The following RAB27B variants were observed in gnomAD, a reference collection of about 807,000 sequenced individuals.
The protein encoded by RAB27B is ras-related protein Rab-27B.
A neutral mutation model predicts 24.6 loss-of-function variants in RAB27B; 15 were observed. The ratio of observed to expected loss-of-function variants is 0.61; its 90% confidence interval spans 0.41 to 0.94. The LOEUF is 0.94. Among genes scored for constraint, RAB27B ranks in the 40% least tolerant of loss-of-function variants. RAB27B has a pLI of 0.00. For missense variants in RAB27B, 261 were observed against 266.8 expected (o/e 0.98, Z 0.15); for synonymous variants, 105 against 92.5 (o/e 1.14, Z -0.78).
chr18:54,886,937 A>G (rs1913161720), intron 4 of RAB27B, among the ~76,000 whole-genome samples: 1 of 151,440 alleles, frequency 6.6e-6, no homozygotes, highest in Non-Finnish European at 1.5e-5. Flanking sequence ...ACAGCTTGAC[A>G]GGTTTCTTAT....
At chr18:54,793,614 A>C (rs1324369954) in intron 2 of RAB27B, among the ~76,000 whole-genome samples, 2 of 152,228 alleles carry the variant, frequency 1.3e-5, no homozygotes, top group African/African-American at 4.8e-5. Flanking sequence ...TTATGTTTGA[A>C]ATAACAGCAA....
intron 2 of RAB27B, among the ~76,000 whole-genome samples, chr18:54,822,752 T>A (rs1910350658): frequency 6.6e-6 from 1 of 152,190 alleles, no homozygotes; most frequent in East Asian, 1.9e-4. Flanking sequence ...ATTTCTAAAA[T>A]TCTGCTTATA....
At chr18:54,847,483 C>T (rs1045691159) in intron 1 of RAB27B, among the ~76,000 whole-genome samples, 1 of 152,146 alleles carries the variant, frequency 6.6e-6, no homozygotes, top group Non-Finnish European at 1.5e-5. Context: ...TATAGACTAT[C>T]CCAATTAGGA....
intron 1 of RAB27B, among the ~76,000 whole-genome samples, chr18:54,877,271 T>C (rs1912740413): frequency 6.6e-6 from 1 of 152,188 alleles, no homozygotes; most frequent in South Asian, 2.1e-4. Context: ...CTTTATAAAC[T>C]ATCCAGTCTC....
intron 1 of RAB27B, among the ~76,000 whole-genome samples, chr18:54,851,152 T>A (rs1233470417): frequency 1.3e-5 from 2 of 152,216 alleles, no homozygotes; most frequent in Non-Finnish European, 2.9e-5. Context: ...AATCAGACTG[T>A]AATAGCACCA....
intron 1 of RAB27B, among the ~76,000 whole-genome samples, chr18:54,843,313 G>A (rs1911191159): frequency 1.3e-5 from 2 of 151,968 alleles, no homozygotes; most frequent in African/African-American, 4.8e-5. Flanking sequence ...ATTTGTTAAA[G>A]CTTTGTGGTA....
chr18:54,850,359 T>TATATATATATATATATATATACACAC (rs1491518141), intron 1 of RAB27B, among the ~76,000 whole-genome samples: 7 of 126,864 alleles, frequency 5.5e-5, no homozygotes, highest in African/African-American at 2.2e-4. Context: ...TATATATATA[T>TATATATATATATATATATATACACAC]ACATACATAC....
At chr18:54,788,052 G>T (rs1909143206) in intron 2 of RAB27B, among the ~76,000 whole-genome samples, 1 of 152,164 alleles carries the variant, frequency 6.6e-6, no homozygotes, top group Admixed American at 6.5e-5. Context: ...GTACATCAAT[G>T]TTTTTGGTAT....
intron 2 of RAB27B, among the ~76,000 whole-genome samples, chr18:54,718,657 C>A (rs1477062344): frequency 1.3e-5 from 2 of 152,126 alleles, no homozygotes; most frequent in African/African-American, 4.8e-5. Context: ...TGACTCAATA[C>A]CACAGCTAGT....
At chr18:54,800,625 G>A (rs926170566) in intron 2 of RAB27B, among the ~76,000 whole-genome samples, 3 of 151,952 alleles carry the variant, frequency 2.0e-5, no homozygotes, top group South Asian at 2.1e-4. Context: ...CACTTTAATT[G>A]GAGTATTCCT....
intron 2 of RAB27B, among the ~76,000 whole-genome samples, chr18:54,820,575 A>T (rs558148603): frequency 7.9e-5 from 12 of 151,904 alleles, no homozygotes; most frequent in African/African-American, 2.9e-4. Flanking sequence ...TTGCCTGTTC[A>T]CTCTGATGGT....
At chr18:54,856,169 G>A (rs1321056691) in intron 1 of RAB27B, among the ~76,000 whole-genome samples, 2 of 152,220 alleles carry the variant, frequency 1.3e-5, no homozygotes, top group Non-Finnish European at 2.9e-5. Flanking sequence ...TAGATTCAGG[G>A]TTCTGCAAGA....
chr18:54,884,132 G>A (rs1913034779), intron 3 of RAB27B, among the ~76,000 whole-genome samples: 1 of 151,704 alleles, frequency 6.6e-6, no homozygotes, highest in African/African-American at 2.4e-5. Context: ...AAGCCAGGAA[G>A]TGGTCTTAAA....
At chr18:54,822,700 T>C (rs1910349163) in intron 2 of RAB27B, among the ~76,000 whole-genome samples, 1 of 152,206 alleles carries the variant, frequency 6.6e-6, no homozygotes, top group African/African-American at 2.4e-5. Context: ...ACTTTTCTTC[T>C]CTTTAACTAG....
intron 3 of RAB27B, among the ~76,000 whole-genome samples, chr18:54,883,374 T>TA (rs1913005220): frequency 6.6e-6 from 1 of 152,070 alleles, no homozygotes; most frequent in Admixed American, 6.6e-5. Context: ...AAAGGATCTA[T>TA]AAAAAGGCTA....
chr18:54,724,010 AATGTGTGCTCTT>A (rs1909446117), intron 2 of RAB27B, among the ~76,000 whole-genome samples: 1 of 151,956 alleles, frequency 6.6e-6, no homozygotes, highest in Non-Finnish European at 1.5e-5. Context: ...TAGTGGCCAA[AATGTGTGCTCTT>A]TAGGGAACAT....
At chr18:54,847,434 T>C (rs1476623869) in intron 1 of RAB27B, among the ~76,000 whole-genome samples, 1 of 152,148 alleles carries the variant, frequency 6.6e-6, no homozygotes, top group Non-Finnish European at 1.5e-5. Context: ...AGAGTCAACA[T>C]AGGGCAGTCC....
intron 2 of RAB27B, among the ~76,000 whole-genome samples, chr18:54,783,540 C>G (rs1303078449): frequency 6.6e-6 from 1 of 151,026 alleles, no homozygotes; most frequent in Non-Finnish European, 1.5e-5. Flanking sequence ...GATTATTCTA[C>G]TTTAGATTTC....
chr18:54,751,869 C>G (rs184021140), intron 2 of RAB27B, among the ~76,000 whole-genome samples: 1 of 152,154 alleles, frequency 6.6e-6, no homozygotes. Context: ...AGCCAGGAAA[C>G]TATAGAAAAT....
Sources: gnomAD v4.1 joint callset for allele counts (sites outside exome capture counted in the v4.1 genomes callset) on GRCh38, gnomAD v4.1.1 for gene constraint, MANE v1.5 for transcripts, NCBI Gene and HGNC (gene_info 2026-07-23, HGNC 2026-07-21) for gene names.